The following PPTC7 variants were observed in gnomAD, a reference collection of about 807,000 sequenced individuals.
PPTC7 encodes the protein protein phosphatase PTC7 homolog.
Under a neutral mutation model 30.8 loss-of-function variants are expected in PPTC7, and 6 were observed. The observed-to-expected ratio is 0.19, with a 90% CI of 0.11 to 0.38. PPTC7 has a LOEUF of 0.38. PPTC7 is among the 10% of genes least tolerant of loss of function. The pLI is 1.00. For missense variants in PPTC7, 218 were observed against 404.8 expected, an observed-to-expected ratio of 0.54 and a Z score of 3.96; for synonymous variants, 163 against 168.1, an observed-to-expected ratio of 0.97 and a Z score of 0.23.
At position 110,538,290 on chromosome 12, in the gene PPTC7, G is replaced by A. The variant is rs1007695256; in HGVS notation, c.727-17C>T. The A allele has an allele frequency of 5.0e-6, 8 of 1,611,454 alleles. No homozygotes were observed. In the African/African-American group the frequency reaches 8.0e-5, roughly 16 times the overall value. On this transcript the variant is annotated splice_polypyrimidine_tract_variant and intron_variant, in intron 4 of 5. Coordinates refer to ENST00000354300, the MANE Select transcript of PPTC7 (RefSeq NM_139283.2). ...ATTTGAATTCTAAGATAAAGCATGA[G>A]GAAGTTATTTTACCATAATGCTCAA...
At chr12:110,561,832 A>C (rs1411935326) in intron 1 of PPTC7, among the ~76,000 whole-genome samples, 1 of 151,808 alleles carries the variant, frequency 6.6e-6, no homozygotes, top group Non-Finnish European at 1.5e-5. Context: ...GGTGGCACAC[A>C]CCTGTGGTCC....
intron 3 of PPTC7, among the ~76,000 whole-genome samples, chr12:110,540,712 A>C (rs909156200): frequency 6.6e-6 from 1 of 151,680 alleles, no homozygotes; most frequent in Non-Finnish European, 1.5e-5. Flanking sequence ...CGAATATTTG[A>C]ATCTGGGTCC....
chr12:110,572,251 C>A (rs2064542644), intron 1 of PPTC7, among the ~76,000 whole-genome samples: 1 of 152,142 alleles, frequency 6.6e-6, no homozygotes, highest in South Asian at 2.1e-4. Flanking sequence ...CAAGAACAGC[C>A]TGGCCAACAT....
At chr12:110,563,762 T>G (rs571783306) in intron 1 of PPTC7, among the ~76,000 whole-genome samples, 48 of 152,336 alleles carry the variant, frequency 3.2e-4, no homozygotes, top group African/African-American at 1.1e-3. Context: ...ATGAGACAAC[T>G]TAAGAATTAA....
intron 1 of PPTC7, among the ~76,000 whole-genome samples, chr12:110,578,470 A>G (rs2135798610): frequency 6.6e-6 from 1 of 152,316 alleles, no homozygotes; most frequent in South Asian, 2.1e-4. Context: ...CACCCAACAT[A>G]GTCAGTTTTT....
chr12:110,551,536 GGGGTTTCTCTATGTT>G (rs1418811013), intron 2 of PPTC7, among the ~76,000 whole-genome samples: 1 of 152,044 alleles, frequency 6.6e-6, no homozygotes, highest in Non-Finnish European at 1.5e-5. Context: ...TAGTAGAGAT[GGGGTTTCTCTATGTT>G]GGTCAGGCTG....
At chr12:110,548,028 A>G (rs1035567776) in intron 2 of PPTC7, among the ~76,000 whole-genome samples, 2 of 151,604 alleles carry the variant, frequency 1.3e-5, no homozygotes, top group African/African-American at 4.9e-5. Flanking sequence ...AATTGTTTGA[A>G]CCCGGGGGGC....
chr12:110,577,302 A>C (rs1343596380), intron 1 of PPTC7, among the ~76,000 whole-genome samples: 3 of 151,712 alleles, frequency 2.0e-5, no homozygotes, highest in African/African-American at 7.2e-5. Flanking sequence ...GTAAAATTAA[A>C]AAAAAAAAGA....
intron 2 of PPTC7, among the ~76,000 whole-genome samples, chr12:110,548,000 C>G (rs1270385791): frequency 6.6e-6 from 1 of 151,610 alleles, no homozygotes; most frequent in Non-Finnish European, 1.5e-5. Context: ...CCAGCTACTT[C>G]GGAGGCTGGG....
chr12:110,562,469 GT>G (rs2064446613), intron 1 of PPTC7, among the ~76,000 whole-genome samples: 1 of 152,040 alleles, frequency 6.6e-6, no homozygotes, highest in African/African-American at 2.4e-5. Context: ...TGCACTTCCT[GT>G]TTTAACAAGC....
At chr12:110,582,666 G>A (rs1227915759) in intron 1 of PPTC7, 143 bp downstream of exon 1, 6 of 697,492 alleles carry the variant, frequency 8.6e-6, no homozygotes, top group Admixed American at 6.2e-5. Flanking sequence ...CGCTTGGCAC[G>A]GCGCCTGGCG....
chr12:110,560,784 T>G (rs1404865881), intron 1 of PPTC7, among the ~76,000 whole-genome samples: 1 of 152,228 alleles, frequency 6.6e-6, no homozygotes, highest in African/African-American at 2.4e-5. Flanking sequence ...CTGGAAGAAT[T>G]TCAAATATTA....
Position 110,546,048 on chromosome 12 carries a change from T to C in PPTC7, c.434A>G (p.Asp145Gly). Reference protein sequence around the residue: ...GSSTACIVVLDRTSHRLHTAN... With the variant: ...GSSTACIVVLGRTSHRLHTAN... ...TGTGTGTAAGCGGTGGCTGGTTCTG[T>C]CCAGCACCACAATGCAGGCGGTGCT... Residue 145 changes from aspartate to glycine, a missense_variant, in exon 3 of 6, where the codon GAC (aspartate) becomes GGC (glycine). Asp to Gly is a moderately conservative substitution (Grantham distance 94). Coordinates refer to ENST00000354300, the MANE Select transcript of PPTC7 (RefSeq NM_139283.2). 1 of 1,614,120 alleles carries C rather than the reference T, an allele frequency of 6.2e-7. No homozygotes were observed. Among genetic ancestry groups the C allele is most frequent in the South Asian group, 1.1e-5 (1 of 91,072 alleles).
Position 110,536,933 on chromosome 12 carries a change from C to A in PPTC7, c.*104G>T. ...CAGGCAAAAGACTTACATCACTGGC[C>A]ATTGAGATCAGTGGCAAAGAAATGT... On this transcript the variant is annotated 3_prime_UTR_variant, in exon 6 of 6. Transcript: ENST00000354300. 2 of 811,102 alleles carry A rather than the reference C, an allele frequency of 2.5e-6. No homozygotes were observed. Among genetic ancestry groups the A allele is most frequent in the Non-Finnish European group, 2.1e-6 (1 of 470,232 alleles). The allele number at this position is 811,102 out of a possible 1,614,324, so 50.2% of individuals were successfully genotyped here.
intron 1 of PPTC7, among the ~76,000 whole-genome samples, chr12:110,563,602 C>T (rs1015671337): frequency 8.8e-5 from 13 of 148,514 alleles, no homozygotes; most frequent in African/African-American, 2.3e-4. Context: ...GCAACAAGAG[C>T]GAAAATCTGT....
chr12:110,552,742 T>A (rs1002498734), intron 1 of PPTC7, among the ~76,000 whole-genome samples: 4 of 151,166 alleles, frequency 2.6e-5, no homozygotes, highest in Admixed American at 6.6e-5. Flanking sequence ...CAGGCGCCTG[T>A]AGTCCCAGCT....
At position 110,558,336 on chromosome 12, in the gene PPTC7, G is replaced by A. The variant is rs149664106; in HGVS notation, c.224-6368C>T. 6.6e-5 allele frequency among the ~76,000 whole-genome samples: 10 copies of A among 152,290 alleles called. No individual in the cohort carries two copies. In the East Asian group the frequency reaches 1.7e-3, roughly 27 times the overall value. Reference sequence around the variant, plus strand: ...GTCAGAATGATATAATCTCTATGGAGGTAGAGAGAAGTGAAGCTAAAAAGG... The same window carrying A: ...GTCAGAATGATATAATCTCTATGGAAGTAGAGAGAAGTGAAGCTAAAAAGG... On this transcript the variant is annotated intron_variant, in intron 1 of 5. Transcript: ENST00000354300.
At chr12:110,543,968 T>G (rs2135764279) in intron 3 of PPTC7, among the ~76,000 whole-genome samples, 1 of 152,270 alleles carries the variant, frequency 6.6e-6, no homozygotes, top group Admixed American at 6.5e-5. Context: ...AAGAAAAAAT[T>G]GAAGCACCAG....
In PPTC7 at chr12:110,539,961, G is replaced by A. The variant is rs1437037143; in HGVS notation, c.603-16C>T. On this transcript the variant is annotated splice_polypyrimidine_tract_variant and intron_variant, in intron 3 of 5. Coordinates refer to ENST00000354300, the MANE Select transcript of PPTC7 (RefSeq NM_139283.2). ...AGCATCCGGACTGTGGCAAGGACAG[G>A]GGAGGGACAAAGTTAAGAAGGCCCT... 6.2e-7 allele frequency: 1 copy of A among 1,611,734 alleles called. No individual in the cohort carries two copies. Among genetic ancestry groups the A allele is most frequent in the Non-Finnish European group, 8.5e-7 (1 of 1,178,964 alleles).
Sources: gnomAD v4.1 joint callset for allele counts (sites outside exome capture counted in the v4.1 genomes callset) on GRCh38, gnomAD v4.1.1 for gene constraint, MANE v1.5 for transcripts, NCBI Gene and HGNC (gene_info 2026-07-23, HGNC 2026-07-21) for gene names.